Variants in ASB5 observed in about 807,000 individuals in gnomAD.
ASB5 encodes ankyrin repeat and SOCS box containing 5.
In ASB5, 45 loss-of-function variants were observed where a neutral mutation model predicts 42.1. The observed-to-expected ratio is 1.07, with a 90% CI of 0.84 to 1.37. The LOEUF is 1.37. Ranked by LOEUF, ASB5 falls within the 40% of genes most tolerant of loss-of-function variation. ASB5 has a pLI of 0.00. For missense variants in ASB5, 402 were observed against 399.8 expected (o/e 1.01, Z -0.05); for synonymous variants, 147 against 150.6 (o/e 0.98, Z 0.18).
At chr4:176,238,496 T>C (rs988514223) in intron 1 of ASB5, among the ~76,000 whole-genome samples, 2 of 152,246 alleles carry the variant, frequency 1.3e-5, no homozygotes, top group Admixed American at 6.5e-5. Flanking sequence ...TACTGGCCTA[T>C]AAAGTTGAAA....
intron 2 of ASB5, among the ~76,000 whole-genome samples, chr4:176,223,690 A>G (rs1400157090): frequency 6.6e-6 from 1 of 152,224 alleles, no homozygotes; most frequent in Non-Finnish European, 1.5e-5. Context: ...GCTAGCCAGC[A>G]GTCAGACCTG....
chr4:176,225,472 C>T, intron 1 of ASB5, 131 bp from the exon 2 acceptor site: 1 of 747,644 alleles, frequency 1.3e-6, no homozygotes. Context: ...GAGCCAGATA[C>T]TTATACTGTA....
chr4:176,240,140 T>C (rs900535885), intron 1 of ASB5, among the ~76,000 whole-genome samples: 1 of 152,140 alleles, frequency 6.6e-6, no homozygotes, highest in African/African-American at 2.4e-5. Context: ...TTAAGCCATA[T>C]GAGTGGACAG....
At chr4:176,238,060 A>G (rs1181231199) in intron 1 of ASB5, among the ~76,000 whole-genome samples, 1 of 152,080 alleles carries the variant, frequency 6.6e-6, no homozygotes, top group Non-Finnish European at 1.5e-5. Context: ...CGTCTTTACT[A>G]AAAATACAAA....
chr4:176,265,731 T>C (rs1454167), intron 1 of ASB5, among the ~76,000 whole-genome samples: 100,483 of 152,044 alleles, frequency 0.66, 33,423 homozygotes, highest in Middle Eastern at 0.74. Context: ...TCATTCTCTC[T>C]GTATACTGTG....
chr4:176,268,063 T>C (rs1454174044), intron 1 of ASB5, among the ~76,000 whole-genome samples: 1 of 152,226 alleles, frequency 6.6e-6, no homozygotes, highest in Non-Finnish European at 1.5e-5. Context: ...TAAATATTCA[T>C]GCATGCCTGT....
At chr4:176,260,584 T>C (rs1360929549) in intron 1 of ASB5, among the ~76,000 whole-genome samples, 1 of 152,254 alleles carries the variant, frequency 6.6e-6, no homozygotes, top group African/African-American at 2.4e-5. Context: ...GTCTGCTTTG[T>C]AGCATTGCTG....
intron 1 of ASB5, among the ~76,000 whole-genome samples, chr4:176,264,089 T>G (rs1754314135): frequency 6.6e-6 from 1 of 152,046 alleles, no homozygotes. Flanking sequence ...AAACAAAACT[T>G]ATGAAATCAC....
intron 1 of ASB5, among the ~76,000 whole-genome samples, chr4:176,265,589 A>C (rs1754341769): frequency 6.6e-6 from 1 of 152,220 alleles, no homozygotes; most frequent in South Asian, 2.1e-4. Context: ...AGTCTAAGAC[A>C]GAACTTAAAA....
chr4:176,249,800 T>G (rs930260370), intron 1 of ASB5, among the ~76,000 whole-genome samples: 1 of 151,992 alleles, frequency 6.6e-6, no homozygotes, highest in Non-Finnish European at 1.5e-5. Flanking sequence ...GCGCGGTGGC[T>G]CACGCCTGTA....
At chr4:176,268,193 T>G (rs779809641) in intron 1 of ASB5, among the ~76,000 whole-genome samples, 62 of 152,300 alleles carry the variant, frequency 4.1e-4, no homozygotes, top group Non-Finnish European at 1.8e-4. Flanking sequence ...CTAAATGGTT[T>G]TACAACCTTC....
intron 1 of ASB5, among the ~76,000 whole-genome samples, chr4:176,255,066 G>A (rs539477401): frequency 6.6e-6 from 1 of 152,188 alleles, no homozygotes; most frequent in Non-Finnish European, 1.5e-5. Context: ...GAAGGTGGAG[G>A]TTGCAGTGAG....
chr4:176,230,778 A>T (rs1234943871), intron 1 of ASB5, among the ~76,000 whole-genome samples: 2 of 152,236 alleles, frequency 1.3e-5, no homozygotes, highest in Non-Finnish European at 2.9e-5. Flanking sequence ...CCATCTCAAG[A>T]CCAAACAAGA....
intron 1 of ASB5, among the ~76,000 whole-genome samples, chr4:176,233,630 T>C (rs900434794): frequency 1.3e-5 from 2 of 152,176 alleles, no homozygotes; most frequent in Non-Finnish European, 2.9e-5. Context: ...AAGGAGTCAG[T>C]TGTTTTTGGC....
At chr4:176,228,504 A>G (rs911894941) in intron 1 of ASB5, among the ~76,000 whole-genome samples, 1 of 152,224 alleles carries the variant, frequency 6.6e-6, no homozygotes, top group Non-Finnish European at 1.5e-5. Flanking sequence ...TTCTCTCTCA[A>G]TAACAGATAT....
chr4:176,272,962 T>C (rs28671265), upstream of ASB5, among the ~76,000 whole-genome samples: 23,839 of 115,540 alleles, frequency 0.21, 1,564 homozygotes, highest in Middle Eastern at 0.24. Flanking sequence ...TTTTTTTTTT[T>C]CTTGAGACAG....
At chr4:176,245,074 A>T (rs1753883658) in intron 1 of ASB5, among the ~76,000 whole-genome samples, 1 of 152,222 alleles carries the variant, frequency 6.6e-6, no homozygotes, top group South Asian at 2.1e-4. Context: ...AAACTTAATT[A>T]TTCATTACCA....
At chr4:176,274,953 C>T (rs980201433) in intron 2 of ASB5, among the ~76,000 whole-genome samples, 14 of 122,966 alleles carry the variant, frequency 1.1e-4, no homozygotes, top group South Asian at 2.5e-4. Flanking sequence ...CTTACTCTGT[C>T]GCCCAGGCTG....
chr4:176,274,306 T>C (rs552111710), intron 2 of ASB5, among the ~76,000 whole-genome samples: 2 of 152,278 alleles, frequency 1.3e-5, no homozygotes, highest in African/African-American at 2.4e-5. Flanking sequence ...AATAAAGTCA[T>C]TTTTGCTGTT....
Sources: gnomAD v4.1 joint callset for allele counts (sites outside exome capture counted in the v4.1 genomes callset) on GRCh38, gnomAD v4.1.1 for gene constraint, MANE v1.5 for transcripts, NCBI Gene and HGNC (gene_info 2026-07-23, HGNC 2026-07-21) for gene names.